The following SYT1 variants were observed in gnomAD, a reference collection of about 807,000 sequenced individuals.
SYT1 encodes synaptotagmin 1.
Under a neutral mutation model 44.8 loss-of-function variants are expected in SYT1, and 8 were observed. The observed-to-expected ratio is 0.18, with a 90% CI of 0.10 to 0.32. The LOEUF is 0.32. Ranked by LOEUF, SYT1 falls within the 10% of genes least tolerant of loss-of-function variation. SYT1 has a pLI of 1.00. For missense variants in SYT1, 286 were observed against 509.3 expected (o/e 0.56, Z 4.22); for synonymous variants, 154 against 188.8 (o/e 0.82, Z 1.51).
Position 78,973,956 on chromosome 12 carries a change from T to A in SYT1, c.-216-3843T>A, listed in dbSNP as rs1447524598. Among the ~76,000 whole-genome samples the A allele has an allele frequency of 3.9e-3, 141 of 35,716 alleles. 13 individuals are homozygous for A. The highest frequency in any genetic ancestry group is 5.7e-3 in the African/African-American group (51 of 8,906). The allele number at this position is 35,716 out of a possible 152,430, so 23.4% of individuals were successfully genotyped here. On this transcript the variant is annotated intron_variant, in intron 1 of 10. Coordinates refer to ENST00000261205, the MANE Select transcript of SYT1 (RefSeq NM_005639.3). ...AAAAAAAAATATATATATATATATA[T>A]ATATATATATATATATATATATATA...
At chr12:78,912,930 T>G (rs1876426651) in intron 1 of SYT1, among the ~76,000 whole-genome samples, 1 of 151,920 alleles carries the variant, frequency 6.6e-6, no homozygotes, top group South Asian at 2.1e-4. Context: ...GTTACACATC[T>G]ATTAGATTTA....
chr12:79,100,486 G>A (rs1307369763), intron 3 of SYT1, among the ~76,000 whole-genome samples: 1 of 152,048 alleles, frequency 6.6e-6, no homozygotes, highest in Non-Finnish European at 1.5e-5. Flanking sequence ...GGAAAAGAAG[G>A]AAAGGAGGAG....
intron 2 of SYT1, among the ~76,000 whole-genome samples, chr12:79,009,102 C>T (rs945945189): frequency 9.9e-5 from 15 of 152,036 alleles, no homozygotes; most frequent in African/African-American, 2.2e-4. Context: ...TTAACTTGCA[C>T]GAAGATACCT....
At chr12:78,906,892 G>A (rs914109482) in intron 1 of SYT1, among the ~76,000 whole-genome samples, 1 of 152,032 alleles carries the variant, frequency 6.6e-6, no homozygotes, top group Admixed American at 6.6e-5. Flanking sequence ...GCTATATCTT[G>A]TGCATACAAA....
chr12:79,373,907 A>G (rs1471412748), intron 9 of SYT1, among the ~76,000 whole-genome samples: 1 of 152,192 alleles, frequency 6.6e-6, no homozygotes, highest in East Asian at 1.9e-4. Flanking sequence ...TTCAAGCCAC[A>G]GTTGTTGTTC....
rs148255369 is a variant in SYT1 at position 79,136,193 on chromosome 12, A to T, written c.-17-81310A>T. The stretch of plus-strand genomic sequence containing the variant: ...TCTACCATTCCAGTTAGTAGAATAG[A>T]CATCCTTTCAGCTACCATCTATTGA... On this transcript the variant is annotated intron_variant, in intron 3 of 10. Transcript: ENST00000261205. Among the ~76,000 whole-genome samples, 247 of 152,346 alleles carry T rather than the reference A, an allele frequency of 1.6e-3. 2 individuals carry two copies. Among genetic ancestry groups the T allele is most frequent in the African/African-American group, 5.5e-3 (230 of 41,580 alleles).
intron 2 of SYT1, among the ~76,000 whole-genome samples, chr12:79,030,427 A>G (rs796524477): frequency 3.3e-5 from 5 of 151,170 alleles, no homozygotes; most frequent in African/African-American, 1.2e-4. Flanking sequence ...TTCATAACTG[A>G]AACACTTTTC....
At chr12:79,179,360 A>AGATATATCGATATATCCATATC (rs1565841959) in intron 3 of SYT1, among the ~76,000 whole-genome samples, 1 of 66,450 alleles carries the variant, frequency 1.5e-5, no homozygotes, top group Non-Finnish European at 2.6e-5. Context: ...ATATCGATAT[A>AGATATATCGATATATCCATATC]GATATAGATA....
intron 3 of SYT1, among the ~76,000 whole-genome samples, chr12:79,193,417 T>C: frequency 6.6e-6 from 1 of 152,142 alleles, no homozygotes; most frequent in East Asian, 1.9e-4. Flanking sequence ...GGAATTTGGG[T>C]AGAAAGTTTG....
chr12:79,231,584 A>C (rs1875870702), intron 4 of SYT1, among the ~76,000 whole-genome samples: 2 of 152,216 alleles, frequency 1.3e-5, no homozygotes, highest in Admixed American at 1.3e-4. Flanking sequence ...ATATCTGTCC[A>C]TAAAAACTCA....
chr12:79,271,923 T>G (rs1878448123), intron 4 of SYT1, among the ~76,000 whole-genome samples: 1 of 152,224 alleles, frequency 6.6e-6, no homozygotes, highest in African/African-American at 2.4e-5. Flanking sequence ...TATCTCTTTT[T>G]TTCTTAATGC....
chr12:79,395,279 C>T (rs1293175770), intron 9 of SYT1, among the ~76,000 whole-genome samples: 3 of 152,080 alleles, frequency 2.0e-5, no homozygotes, highest in Admixed American at 6.5e-5. Flanking sequence ...TGTGCAGTGG[C>T]GCAATCTCAG....
chr12:79,378,062 T>C (rs1310133728), intron 9 of SYT1, among the ~76,000 whole-genome samples: 1 of 152,212 alleles, frequency 6.6e-6, no homozygotes, highest in African/African-American at 2.4e-5. Context: ...CCTCATACTA[T>C]CTAATTCTTA....
At chr12:78,983,311 T>A (rs187497688) in intron 2 of SYT1, among the ~76,000 whole-genome samples, 2 of 152,164 alleles carry the variant, frequency 1.3e-5, no homozygotes, top group Admixed American at 1.3e-4. Context: ...AATACCAGAG[T>A]GGCTCCAATG....
At chr12:79,275,740 C>G (rs1020250631) in intron 4 of SYT1, among the ~76,000 whole-genome samples, 2 of 152,190 alleles carry the variant, frequency 1.3e-5, no homozygotes, top group African/African-American at 4.8e-5. Context: ...ACAGGCAGTT[C>G]TTACCCTTAG....
At chr12:79,231,121 G>A (rs1875842181) in intron 4 of SYT1, among the ~76,000 whole-genome samples, 1 of 151,010 alleles carries the variant, frequency 6.6e-6, no homozygotes, top group Non-Finnish European at 1.5e-5. Context: ...TGATCTGTCA[G>A]GTTTGTGCTA....
chr12:79,081,198 C>T (rs1478893018), intron 3 of SYT1, among the ~76,000 whole-genome samples: 1 of 152,104 alleles, frequency 6.6e-6, no homozygotes, highest in Non-Finnish European at 1.5e-5. Flanking sequence ...GTGTGTGCAC[C>T]TTGCACACAT....
intron 1 of SYT1, among the ~76,000 whole-genome samples, chr12:78,871,369 A>G (rs1429382377): frequency 6.6e-6 from 1 of 152,014 alleles, no homozygotes; most frequent in South Asian, 2.1e-4. Flanking sequence ...TAAAATATCA[A>G]TTTTGAATTG....
chr12:79,190,562 T>C (rs192463151), intron 3 of SYT1, among the ~76,000 whole-genome samples: 1 of 152,138 alleles, frequency 6.6e-6, no homozygotes, highest in African/African-American at 2.4e-5. Flanking sequence ...ACCATCCTAG[T>C]GCAGTACTCC....
Sources: allele counts gnomAD v4.1 joint callset (sites outside exome capture counted in the v4.1 genomes callset), GRCh38; gene constraint gnomAD v4.1.1; transcripts MANE v1.5; gene names NCBI Gene and HGNC (gene_info 2026-07-23, HGNC 2026-07-21).